The following CPXM2 variants were observed in gnomAD, a reference collection of about 807,000 sequenced individuals.
CPXM2 encodes the protein inactive carboxypeptidase-like protein X2.
In CPXM2, 66 loss-of-function variants were observed where a neutral mutation model predicts 86.1. That is an observed-to-expected ratio of 0.77 (90% CI 0.63 to 0.94). The LOEUF (loss-of-function observed/expected upper bound fraction) is 0.94, where lower values mean the gene tolerates loss of function less well. Among genes scored for constraint, CPXM2 ranks in the 40% least tolerant of loss-of-function variants. CPXM2 has a pLI of 0.00. For synonymous variants in CPXM2, 388 were observed against 400.2 expected (o/e 0.97, Z 0.36); for missense variants, 948 against 1,026.3 (o/e 0.92, Z 1.04).
intron 4 of CPXM2, among the ~76,000 whole-genome samples, chr10:123,837,076 T>C (rs1848297183): frequency 2.0e-5 from 3 of 152,272 alleles, no homozygotes; most frequent in Admixed American, 6.5e-5. Flanking sequence ...TTTCTTGTCC[T>C]GGTCTTCCTT....
chr10:123,859,524 G>A (rs756548495), intron 3 of CPXM2, among the ~76,000 whole-genome samples: 4 of 152,316 alleles, frequency 2.6e-5, no homozygotes, highest in Middle Eastern at 3.4e-3. Flanking sequence ...CATTGCAAAC[G>A]ACACTGTCCT....
chr10:123,841,615 T>G (rs1320005949), intron 4 of CPXM2, among the ~76,000 whole-genome samples: 16 of 152,218 alleles, frequency 1.1e-4, no homozygotes. Flanking sequence ...GTGTTTGTCT[T>G]TTGTGACTGG....
chr10:123,771,812 G>A (rs376877774), intron 7 of CPXM2, among the ~76,000 whole-genome samples: 17 of 152,250 alleles, frequency 1.1e-4, no homozygotes, highest in African/African-American at 3.6e-4. Flanking sequence ...CACAACATCT[G>A]ATGGTTTTAT....
intron 4 of CPXM2, among the ~76,000 whole-genome samples, chr10:123,826,164 A>C (rs569111928): frequency 2.5e-4 from 38 of 152,328 alleles, no homozygotes; most frequent in African/African-American, 8.9e-4. Context: ...ACATGAAATC[A>C]AGTAACTTGC....
intron 2 of CPXM2, among the ~76,000 whole-genome samples, chr10:123,923,378 A>G (rs1945592612): frequency 6.6e-6 from 1 of 150,864 alleles, no homozygotes; most frequent in Non-Finnish European, 1.5e-5. Flanking sequence ...CAGGAGATCG[A>G]GACCATCCTG....
rs1945275353 is a variant in CPXM2, at chr10:123,891,637, G to A, written c.23C>T (p.Thr8Ile). 6.9e-7 allele frequency: 1 copy of A among 1,457,454 alleles called. No homozygotes were observed. The highest frequency in any genetic ancestry group is 2.7e-5 in the Admixed American group (1 of 37,702). The allele number at this position is 1,457,454 out of a possible 1,614,324, so 90.3% of individuals were successfully genotyped here. Reference sequence around the variant, plus strand: ...CAGGAGCACCAGGGCCAGCGCTGGGGTAGCGGTCCCCGGGCGGGACATGCC... The same window carrying A: ...CAGGAGCACCAGGGCCAGCGCTGGGATAGCGGTCCCCGGGCGGGACATGCC... MSRPGTA[T>I]PALALVLLAV... is the part of the protein sequence containing the mutation. Residue 8 changes from threonine to isoleucine, a missense_variant, in exon 1 of 14, where the codon ACC becomes ATC. Coordinates refer to ENST00000241305, the MANE Select transcript of CPXM2 (RefSeq NM_198148.3). The surrounding 1 kb of genome is among the most constrained non-coding windows in gnomAD (Gnocchi z 5.6).
At position 123,780,207 on chromosome 10, in the gene CPXM2, T is replaced by C; in HGVS notation, c.938A>G (p.Asp313Gly). Residue 313 changes from aspartate to glycine, a missense_variant, in exon 7 of 14, where the codon GAC (aspartate) becomes GGC (glycine). Asp to Gly is a moderately conservative substitution (Grantham distance 94). Coordinates refer to ENST00000241305, the MANE Select transcript of CPXM2 (RefSeq NM_198148.3). Reference sequence around the variant, plus strand: ...ATAATTGTGGTGCTTAAAATCCAGGTCATCAGTGGTGGTCATCTCGTTCCG... The same window carrying C: ...ATAATTGTGGTGCTTAAAATCCAGGCCATCAGTGGTGGTCATCTCGTTCCG... ...HRRNEMTTTD[D>G]LDFKHHNYKE... The C allele has an allele frequency of 6.2e-7, 1 of 1,611,876 alleles. No individual in the cohort carries two copies. The highest frequency in any genetic ancestry group is 8.5e-7 in the Non-Finnish European group (1 of 1,177,918).
chr10:123,934,676 C>G (rs1486101488), intron 2 of CPXM2, among the ~76,000 whole-genome samples: 1 of 152,140 alleles, frequency 6.6e-6, no homozygotes, highest in Admixed American at 6.5e-5. Flanking sequence ...AACCACGCAC[C>G]AGGAACAAGC....
chr10:123,757,142 A>G, intron 12 of CPXM2, 71 bp downstream of exon 12: 1 of 1,429,090 alleles, frequency 7.0e-7, no homozygotes, highest in Non-Finnish European at 9.8e-7. Context: ...TCCATCCCAT[A>G]CTTTCAGCCA....
At chr10:123,889,391 C>A (rs1945229919) in intron 1 of CPXM2, among the ~76,000 whole-genome samples, 1 of 152,106 alleles carries the variant, frequency 6.6e-6, no homozygotes, top group Admixed American at 6.5e-5. Flanking sequence ...TACCTTAACA[C>A]CCCACACTTT....
chr10:123,913,611 A>T (rs781358825), intron 2 of CPXM2: 2 of 170,244 alleles, frequency 1.2e-5, no homozygotes, highest in Non-Finnish European at 2.6e-5. Flanking sequence ...AGATGAGGAA[A>T]TCAGGGCAAG....
chr10:123,941,542 A>T (rs897775768), upstream of CPXM2, among the ~76,000 whole-genome samples: 3 of 152,270 alleles, frequency 2.0e-5, no homozygotes, highest in Non-Finnish European at 2.9e-5. Context: ...ATTTCATAAA[A>T]GGTCACATTC....
chr10:123,908,384 C>G (rs1945461639), intron 2 of CPXM2, among the ~76,000 whole-genome samples: 1 of 152,156 alleles, frequency 6.6e-6, no homozygotes, highest in South Asian at 2.1e-4. Context: ...CAGAAACCAT[C>G]CTGTTTGCAG....
intron 3 of CPXM2, among the ~76,000 whole-genome samples, chr10:123,847,988 G>A (rs553162205): frequency 1.3e-5 from 2 of 152,294 alleles, no homozygotes; most frequent in South Asian, 4.1e-4. Context: ...AGTGACTCCA[G>A]GATAATTGAC....
intron 11 of CPXM2, among the ~76,000 whole-genome samples, chr10:123,760,083 G>A (rs1357822420): frequency 6.6e-6 from 1 of 152,182 alleles, no homozygotes; most frequent in Non-Finnish European, 1.5e-5. Flanking sequence ...AAAGGCTCAA[G>A]CTACCGCATG....
intron 4 of CPXM2, among the ~76,000 whole-genome samples, chr10:123,823,206 A>G (rs1196525291): frequency 6.6e-6 from 1 of 152,220 alleles, no homozygotes; most frequent in Non-Finnish European, 1.5e-5. Context: ...TGTAGGAGCT[A>G]AGAAACAGAT....
chr10:123,914,300 C>T (rs1945516721), intron 2 of CPXM2, among the ~76,000 whole-genome samples: 1 of 152,196 alleles, frequency 6.6e-6, no homozygotes, highest in Non-Finnish European at 1.5e-5. Context: ...ATGCCCTGAC[C>T]AGGCCTTCTC....
At chr10:123,907,053 AG>A (rs1436343390) in intron 2 of CPXM2, among the ~76,000 whole-genome samples, 2 of 152,326 alleles carry the variant, frequency 1.3e-5, no homozygotes, top group Admixed American at 6.5e-5. Flanking sequence ...TCATGCTGAG[AG>A]GCACCTTAGG....
intron 4 of CPXM2, 108 bp from the exon 5 acceptor site, chr10:123,799,307 G>A: frequency 7.7e-7 from 1 of 1,304,642 alleles, no homozygotes; most frequent in Admixed American, 1.8e-5. Context: ...ATGGCACTGG[G>A]TCAAACCCTG....
Sources: allele counts gnomAD v4.1 joint callset (sites outside exome capture counted in the v4.1 genomes callset), GRCh38; gene constraint gnomAD v4.1.1; non-coding constraint Gnocchi (gnomAD v3.1); transcripts MANE v1.5; gene names NCBI Gene and HGNC (gene_info 2026-07-23, HGNC 2026-07-21).